The following NUF2 variants were observed in gnomAD, a reference collection of about 807,000 sequenced individuals.
The protein encoded by NUF2 is kinetochore protein Nuf2.
A neutral mutation model predicts 61.8 loss-of-function variants in NUF2; 34 were observed. The observed-to-expected ratio is 0.55, with a 90% confidence interval of 0.42 to 0.73. The LOEUF (loss-of-function observed/expected upper bound fraction) is 0.73, where lower values mean the gene tolerates loss of function less well. NUF2 is among the 30% of genes least tolerant of loss of function. The probability of loss-of-function intolerance (pLI) is 0.00; values close to 1 mark genes in which losing one functional copy is unlikely to be tolerated. For synonymous variants in NUF2, 172 were observed against 181.6 expected (o/e 0.95, Z 0.42); for missense variants, 445 against 539.1 (o/e 0.83, Z 1.73).
intron 4 of NUF2, 80 bp downstream of exon 4, chr1:163,328,384 T>C (rs1362183512): frequency 4.5e-6 from 4 of 884,804 alleles, no homozygotes; most frequent in Non-Finnish European, 7.2e-6. Context: ...CATGGTTTTC[T>C]TTGGTAAGGA....
intron 9 of NUF2, among the ~76,000 whole-genome samples, chr1:163,342,223 T>C (rs559480341): frequency 3.9e-5 from 6 of 152,198 alleles, no homozygotes; most frequent in Non-Finnish European, 8.8e-5. Flanking sequence ...ATATTTCCCT[T>C]ATTTTTCTAT....
chr1:163,337,960 T>C, intron 6 of NUF2, 60 bp from the exon 7 acceptor site: 1 of 1,274,904 alleles, frequency 7.8e-7, no homozygotes, highest in Admixed American at 1.7e-5. Context: ...AGTAAACATT[T>C]TGGACACACT....
chr1:163,339,511 A>T (rs1336417173), intron 8 of NUF2, 34 bp downstream of exon 8: 1 of 1,404,956 alleles, frequency 7.1e-7, no homozygotes, highest in Admixed American at 1.7e-5. Flanking sequence ...ACTTTAAAAA[A>T]CAAAATTTGT....
intron 1 of NUF2, among the ~76,000 whole-genome samples, chr1:163,325,407 G>T (rs1357085952): frequency 6.6e-6 from 1 of 152,176 alleles, no homozygotes; most frequent in African/African-American, 2.4e-5. Flanking sequence ...ACACAGGTAG[G>T]AATAACTCAC....
intron 10 of NUF2, among the ~76,000 whole-genome samples, chr1:163,344,677 C>A: frequency 1.3e-5 from 1 of 76,884 alleles, no homozygotes; most frequent in Admixed American, 1.3e-4. Flanking sequence ...TTTTGTGAAG[C>A]AATGTTTTTA....
intron 13 of NUF2, among the ~76,000 whole-genome samples, chr1:163,350,528 G>T (rs954715952): frequency 3.9e-5 from 6 of 152,010 alleles, no homozygotes; most frequent in South Asian, 2.1e-4. Flanking sequence ...TATATGTCTT[G>T]CCAGTTACAT....
chr1:163,328,191 A>G (rs1255102974), intron 3 of NUF2, 37 bp from the exon 4 acceptor site: 2 of 1,335,896 alleles, frequency 1.5e-6, no homozygotes, highest in East Asian at 2.3e-5. Context: ...TTGTCTAATC[A>G]ATGTGTAATG....
At chr1:163,353,689 G>A (rs1306122878) in intron 13 of NUF2, among the ~76,000 whole-genome samples, 1 of 152,204 alleles carries the variant, frequency 6.6e-6, no homozygotes, top group Non-Finnish European at 1.5e-5. Context: ...CCACTTGGAT[G>A]TAGAATTTAA....
chr1:163,332,972 T>TAA (rs1650645907), intron 5 of NUF2, among the ~76,000 whole-genome samples: 1 of 152,186 alleles, frequency 6.6e-6, no homozygotes, highest in South Asian at 2.1e-4. Context: ...TTAAACATGT[T>TAA]AATTGGATCC....
At chr1:163,344,399 T>A (rs1312515283) in intron 10 of NUF2, among the ~76,000 whole-genome samples, 1 of 151,738 alleles carries the variant, frequency 6.6e-6, no homozygotes, top group Non-Finnish European at 1.5e-5. Flanking sequence ...AGTTTAGTAT[T>A]GGGCTGGAAG....
chr1:163,345,835 AT>A lies in NUF2; in HGVS notation c.948+21del. On this transcript the variant is annotated intron_variant, in intron 11 of 13. Coordinates refer to ENST00000271452, the MANE Select transcript of NUF2 (RefSeq NM_145697.3). ...TTAAAGGAGGTTTGTATTGTATGGA[AT>A]TTTGATGTCTTTATTATATAACAGC... 6.5e-7 allele frequency: 1 copy of A among 1,547,440 alleles called. No homozygotes were observed. The highest frequency in any genetic ancestry group is 8.8e-7 in the Non-Finnish European group (1 of 1,134,408).
In NUF2 at chr1:163,339,600, G is replaced by C; in HGVS notation, c.606+123G>C. On this transcript the variant is annotated intron_variant, in intron 8 of 13. Coordinates refer to ENST00000271452, the MANE Select transcript of NUF2 (RefSeq NM_145697.3). ...TACCAAAGAAACAGAATATATTTCT[G>C]TGCCCATTTGTGCCCCTTATAATGG... 6 of 608,696 alleles carry C rather than the reference G, an allele frequency of 9.9e-6. No individual in the cohort carries two copies. The South Asian group carries it at 1.1e-4, about 11-fold the overall frequency. The allele number at this position is 608,696 out of a possible 1,614,324, so 37.7% of individuals were successfully genotyped here.
chr1:163,343,952 G>T (rs1571393298), intron 10 of NUF2, 82 bp downstream of exon 10: 2 of 893,388 alleles, frequency 2.2e-6, no homozygotes, highest in South Asian at 7.1e-5. Context: ...GTTAATTTTT[G>T]GATTTCTGAA....
intron 10 of NUF2, among the ~76,000 whole-genome samples, chr1:163,344,699 T>TA (rs1439780295): frequency 9.4e-6 from 1 of 106,542 alleles, no homozygotes; most frequent in Non-Finnish European, 2.1e-5. Flanking sequence ...ACTATTAATT[T>TA]AAAAAACATA....
chr1:163,339,094 A>C (rs1239119492), intron 7 of NUF2, among the ~76,000 whole-genome samples: 1 of 152,076 alleles, frequency 6.6e-6, no homozygotes, highest in Non-Finnish European at 1.5e-5. Flanking sequence ...GCATTACCAG[A>C]AGGCATACAA....
intron 5 of NUF2, among the ~76,000 whole-genome samples, chr1:163,332,415 A>C (rs902345026): frequency 2.6e-5 from 4 of 152,080 alleles, no homozygotes; most frequent in African/African-American, 9.7e-5. Context: ...ATATTTGTTC[A>C]CTATGGTGGC....
intron 13 of NUF2, 40 bp downstream of exon 13, chr1:163,349,120 C>G (rs1234926260): frequency 3.2e-6 from 5 of 1,553,422 alleles, no homozygotes; most frequent in East Asian, 4.5e-5. Flanking sequence ...CAAATAATCT[C>G]TCATGTATTT....
At position 163,355,443 on chromosome 1, in the gene NUF2, A is replaced by C; in HGVS notation, c.1369A>C (p.Arg457=). ...AGATGAGAAGACAGCTGAACTGAAGAGGAAGATGTTCAAAATGTCAACCTG... is the reference window on the plus strand; with the variant it reads ...AGATGAGAAGACAGCTGAACTGAAGCGGAAGATGTTCAAAATGTCAACCTG... ...KIDEKTAELK[R]KMFKMST Residue 457 remains arginine (R), a synonymous_variant, in exon 14 of 14, where the codon AGG becomes CGG. Transcript: ENST00000271452. 6.3e-7 allele frequency: 1 copy of C among 1,597,286 alleles called. No individual in the cohort carries two copies. Among genetic ancestry groups the C allele is most frequent in the South Asian group, 1.1e-5 (1 of 88,014 alleles).
At chr1:163,323,577 G>T (rs769406029) in intron 1 of NUF2, among the ~76,000 whole-genome samples, 1 of 152,060 alleles carries the variant, frequency 6.6e-6, no homozygotes, top group Non-Finnish European at 1.5e-5. Flanking sequence ...TTAACAGGGC[G>T]TGGTAGTGTG....
Sources: gnomAD v4.1 joint callset for allele counts (sites outside exome capture counted in the v4.1 genomes callset) on GRCh38, gnomAD v4.1.1 for gene constraint, MANE v1.5 for transcripts, NCBI Gene and HGNC (gene_info 2026-07-23, HGNC 2026-07-21) for gene names.